SMPD4: variants seen among roughly 807,000 people sequenced by gnomAD.
The protein encoded by SMPD4 is sphingomyelin phosphodiesterase 4.
In SMPD4, 58 loss-of-function variants were observed where a neutral mutation model predicts 97.8. That is an observed-to-expected ratio of 0.59 (90% CI 0.48 to 0.74). The LOEUF (loss-of-function observed/expected upper bound fraction) is 0.74. SMPD4 is among the 30% of genes least tolerant of loss of function. The probability of loss-of-function intolerance (pLI) is 0.00; values close to 1 mark genes in which losing one functional copy is unlikely to be tolerated. For synonymous variants in SMPD4, 388 were observed against 450.0 expected (o/e 0.86, Z 1.74); for missense variants, 853 against 1,080.5 (o/e 0.79, Z 2.95).
At chr2:130,158,194 T>C (rs1253517936) in intron 11 of SMPD4, 12 of 1,286,050 alleles carry the variant, frequency 9.3e-6, no homozygotes, top group Non-Finnish European at 1.2e-5. Context: ...CTGCTCCTCA[T>C]CCTGGACACA....
In SMPD4 at chr2:130,153,868, G is replaced by C; in HGVS notation, c.1727C>G (p.Ala576Gly). ...GAAGGAGTGGCCAGCCGGGCTCTCC[G>C]CACACTGGTCGGAGATGGACTTGGC... ...HTAKSISDQC[A>G]ESPAGHSFLS... is the part of the protein sequence containing the mutation. The change falls in exon 17 of 20, where the codon GCG becomes GGG. Residue 576 changes from alanine (A) to glycine (G), a missense_variant. By Grantham distance (60) the Ala-to-Gly change is moderately conservative. Around this residue, in one of 3 missense-constraint regions of SMPD4, gnomAD observed 511 missense variants for 608.1 expected, o/e 0.84. Transcript: ENST00000680298. The C allele has an allele frequency of 2.5e-6, 4 of 1,613,884 alleles. No individual in the cohort carries two copies. The highest frequency in any genetic ancestry group is 3.4e-6 in the Non-Finnish European group (4 of 1,179,864).
chr2:130,180,089 T>C (rs1377003458), intron 1 of SMPD4, among the ~76,000 whole-genome samples: 1 of 144,952 alleles, frequency 6.9e-6, no homozygotes, highest in Non-Finnish European at 1.5e-5. Context: ...TCAGCCTCCC[T>C]AGTAGCTGGG....
rs1345903723 is a variant in SMPD4 at position 130,155,977 on chromosome 2, G to A, written c.1289+58C>T. 5.8e-6 allele frequency: 9 copies of A among 1,559,414 alleles called. No individual in the cohort carries two copies. The East Asian group carries it at 6.8e-5, about 12-fold the overall frequency. ...GCCGCTGGCTTGGCCTCCACCCACT[G>A]GAACAATATCCACCTGGGGGAGCCA... On this transcript the variant is annotated intron_variant, in intron 14 of 19. Transcript: ENST00000680298.
chr2:130,154,889 A>G (rs1686619594), intron 15 of SMPD4: 1 of 696,790 alleles, frequency 1.4e-6, no homozygotes, highest in Non-Finnish European at 2.3e-6. Context: ...TCCCCCACCC[A>G]GTGCCTGGTG....
At chr2:130,154,145 A>G (rs1487298332) in intron 16 of SMPD4, 132 bp downstream of exon 16, 14 of 1,226,476 alleles carry the variant, frequency 1.1e-5, no homozygotes, top group Non-Finnish European at 1.3e-5. Context: ...CTTTACTAAA[A>G]CGGGGGAAGG....
rs768988274 is a variant in SMPD4, at chr2:130,180,134, TTTTTTGTA to T, written c.-46+1388_-46+1395del. Among the ~76,000 whole-genome samples, 43 of 145,318 alleles carry T rather than the reference TTTTTTGTA, an allele frequency of 3.0e-4. 1 individual carries two copies. Among genetic ancestry groups the T allele is most frequent in the Non-Finnish European group, 5.0e-4 (33 of 66,166 alleles). On this transcript the variant is annotated intron_variant, in intron 1 of 19. Transcript: ENST00000680298. The stretch of plus-strand genomic sequence containing the variant: ...GCCCGCCACCACGCCCGGCTAATTG[TTTTTTGTA>T]TTTTTAGTAGACAGGGTTTCACGTG...
rs919289248 is a variant in SMPD4 at position 130,154,400 on chromosome 2, G to C, written c.1536C>G (p.Ser512Arg). Residue 512 changes from serine (S) to arginine (R), a missense_variant, in exon 16 of 20, where the codon AGC (serine) becomes AGG (arginine). Coordinates refer to ENST00000680298, the MANE Select transcript of SMPD4 (RefSeq NM_017951.5). ...RLFTAPTFTG[S>R]FLSPWPPAVT... ...CCGCTGGTGGCCAGGGTGACAGGAA[G>C]CTCCCAGTGAATGTGGGGGCCGTGA... The C allele has an allele frequency of 3.1e-6, 5 of 1,603,328 alleles. No homozygotes were observed. The Admixed American group carries it at 5.1e-5, about 16-fold the overall frequency.
At chr2:130,180,325 T>C (rs888360444) in intron 1 of SMPD4, among the ~76,000 whole-genome samples, 2 of 151,586 alleles carry the variant, frequency 1.3e-5, no homozygotes, top group African/African-American at 4.9e-5. Flanking sequence ...CAGGCTGGAG[T>C]GCAGTGGCGC....
Position 130,176,621 on chromosome 2 carries a change from G to A in SMPD4, c.-29C>T. The A allele has an allele frequency of 6.2e-7, 1 of 1,613,016 alleles. No homozygotes were observed. The highest frequency in any genetic ancestry group is 1.1e-5 in the South Asian group (1 of 90,858). On this transcript the variant is annotated 5_prime_UTR_variant, in exon 2 of 20. Transcript: ENST00000680298. ...AGCCTCCAGTGGAGAGTTGAAAATG[G>A]CCTTCTTAGCAAACCACTGTGGAAA...
Position 130,165,108 on chromosome 2 carries a change from TAAAAAAAAAAA to T in SMPD4, c.793-674_793-664del, listed in dbSNP as rs35361623. Among the ~76,000 whole-genome samples the T allele has an allele frequency of 7.6e-4, 47 of 61,916 alleles. No individual in the cohort carries two copies. In the East Asian group the frequency reaches 0.017, roughly 22 times the overall value. The allele number at this position is 61,916 out of a possible 152,430, so 40.6% of individuals were successfully genotyped here. A position where few individuals can be genotyped will look rare whatever the true frequency, so the allele number is the denominator to read the frequency against. ...CTGGCAACAAAGACAGACTCTGATT[TAAAAAAAAAAA>T]AAAAAAAAAAAAAAAAAAGGGCTGG... On this transcript the variant is annotated intron_variant, in intron 9 of 19. Transcript: ENST00000680298.
chr2:130,175,431 T>C (rs533132538), intron 2 of SMPD4, among the ~76,000 whole-genome samples: 16 of 152,234 alleles, frequency 1.1e-4, no homozygotes, highest in African/African-American at 3.1e-4. Flanking sequence ...GATTACACCA[T>C]TGTGATCATC....
At chr2:130,161,802 T>C (rs1392937174) in intron 10 of SMPD4, among the ~76,000 whole-genome samples, 1 of 152,034 alleles carries the variant, frequency 6.6e-6, no homozygotes, top group Non-Finnish European at 1.5e-5. Context: ...CAGCGGAGCA[T>C]GTTCCAGGAG....
chr2:130,164,028 G>C (rs1458859223), intron 10 of SMPD4, among the ~76,000 whole-genome samples: 3 of 152,182 alleles, frequency 2.0e-5, no homozygotes, highest in East Asian at 3.9e-4. Flanking sequence ...AGACAAGAAA[G>C]TGACTCCCTG....
intron 8 of SMPD4, among the ~76,000 whole-genome samples, chr2:130,172,068 C>G (rs113327220): frequency 2.0e-5 from 3 of 152,184 alleles, no homozygotes; most frequent in Non-Finnish European, 4.4e-5. Flanking sequence ...CCTGTGGGGA[C>G]GGCTGCTCCA....
At chr2:130,154,080 T>A in intron 16 of SMPD4, 145 bp from the exon 17 acceptor site, 1 of 1,088,576 alleles carries the variant, frequency 9.2e-7, no homozygotes. Flanking sequence ...AGGATGATCT[T>A]CTACATTTGA....
Position 130,175,020 on chromosome 2 carries a change from G to C in SMPD4, c.40-20C>G, listed in dbSNP as rs1167233530. 3 of 1,570,628 alleles carry C rather than the reference G, an allele frequency of 1.9e-6. No homozygotes were observed. Among genetic ancestry groups the C allele is most frequent in the Non-Finnish European group, 2.6e-6 (3 of 1,142,808 alleles). On this transcript the variant is annotated intron_variant, in intron 2 of 19. Coordinates refer to ENST00000680298, the MANE Select transcript of SMPD4 (RefSeq NM_017951.5). The stretch of plus-strand genomic sequence containing the variant: ...GCTAGCCTAGAAGACAGAACAAAGC[G>C]AAAAAGTCACGAGGACATTCACTCT...
intron 10 of SMPD4, among the ~76,000 whole-genome samples, chr2:130,161,604 A>G (rs901121305): frequency 3.9e-5 from 6 of 152,152 alleles, no homozygotes; most frequent in African/African-American, 1.4e-4. Context: ...GCTGGGGCCT[A>G]AAGGCCTCTC....
intron 9 of SMPD4, among the ~76,000 whole-genome samples, chr2:130,164,790 T>C (rs981015530): frequency 2.0e-4 from 31 of 151,916 alleles, no homozygotes; most frequent in African/African-American, 6.8e-4. Context: ...CTCTTGAGCA[T>C]GAAAAAATAC....
chr2:130,173,295 G>C lies in SMPD4; in HGVS notation c.329C>G (p.Pro110Arg). The C allele has an allele frequency of 6.2e-7, 1 of 1,613,736 alleles. No individual in the cohort carries two copies. Among genetic ancestry groups the C allele is most frequent in the Admixed American group, 1.7e-5 (1 of 59,944 alleles). Residue 110 changes from proline (P) to arginine (R), a missense_variant, in exon 5 of 20, where the codon CCT (proline) becomes CGT (arginine). By Grantham distance (103) the Pro-to-Arg change is moderately radical (BLOSUM62 -2). Transcript: ENST00000680298. ...TTTACTTACAGGCAAGTAGGAGACA[G>C]GAAAGTCGAACTTATAGTCTTCAGC... ...LQAEDYKFDFPVSYLPGPVKA... is the reference protein window; with the variant it reads ...LQAEDYKFDFRVSYLPGPVKA...
Sources: allele counts gnomAD v4.1 joint callset (sites outside exome capture counted in the v4.1 genomes callset), GRCh38; gene constraint gnomAD v4.1.1; regional missense constraint gnomAD v4.1.1; transcripts MANE v1.5; gene names NCBI Gene and HGNC (gene_info 2026-07-23, HGNC 2026-07-21).